The following COL8A2 variants were observed in gnomAD, a reference collection of about 807,000 sequenced individuals.
The protein encoded by COL8A2 is collagen alpha-2(VIII) chain.
A neutral mutation model predicts 24.0 loss-of-function variants in COL8A2; 16 were observed. That is an observed-to-expected ratio of 0.67 (90% CI 0.45 to 1.01). The LOEUF (loss-of-function observed/expected upper bound fraction) is 1.01. COL8A2 is among the 50% of genes least tolerant of loss of function. The pLI is 0.00. For synonymous variants in COL8A2, 466 were observed against 424.5 expected (o/e 1.10, Z -1.20); for missense variants, 818 against 942.4 (o/e 0.87, Z 1.73).
chr1:36,102,862 G>A (rs1643699602), intron 2 of COL8A2, among the ~76,000 whole-genome samples: 1 of 151,740 alleles, frequency 6.6e-6, no homozygotes. Flanking sequence ...TAGTAAAGAT[G>A]GGGTTTCACC....
chr1:36,111,495 C>T (rs1340383378), intron 2 of COL8A2, among the ~76,000 whole-genome samples: 2 of 152,066 alleles, frequency 1.3e-5, no homozygotes, highest in African/African-American at 4.8e-5. Context: ...CCCACAGTGC[C>T]AACTCCATCA....
At chr1:36,124,076 T>C (rs1298574963) in intron 1 of COL8A2, among the ~76,000 whole-genome samples, 1 of 152,110 alleles carries the variant, frequency 6.6e-6, no homozygotes, top group African/African-American at 2.4e-5. Flanking sequence ...TGGGAGGCTG[T>C]CCTTGCCAAG....
At chr1:36,105,128 C>T (rs948762728) in intron 2 of COL8A2, among the ~76,000 whole-genome samples, 27 of 152,110 alleles carry the variant, frequency 1.8e-4, no homozygotes, top group African/African-American at 2.7e-4. Flanking sequence ...GGTCCCTGCT[C>T]CTCCAAGCTT....
At chr1:36,100,887 C>CTTTTTTTTTTT (rs139330748) in intron 2 of COL8A2, among the ~76,000 whole-genome samples, 25 of 50,158 alleles carry the variant, frequency 5.0e-4, no homozygotes, top group East Asian at 2.7e-3. Context: ...GCATTCAAGG[C>CTTTTTTTTTTT]TTTTTTTTTT....
rs1000856046 is a variant in COL8A2 at position 36,123,338 on chromosome 1, G to T, written c.-62+1719C>A. 1.3e-5 allele frequency among the ~76,000 whole-genome samples: 2 copies of T among 152,264 alleles called. No homozygotes were observed. The highest frequency in any genetic ancestry group is 2.9e-5 in the Non-Finnish European group (2 of 68,052). On this transcript the variant is annotated intron_variant, in intron 1 of 3. Coordinates refer to ENST00000397799, the MANE Select transcript of COL8A2 (RefSeq NM_005202.4). The surrounding 1 kb of genome is among the most constrained non-coding windows in gnomAD (Gnocchi z 4.1). ...CTGGGGCTGTGCGTCCTTTGTTCCG[G>T]CTCAGGCAGGAGCAGAGAAGGTAGT...
rs1447676456 is a variant in COL8A2, at chr1:36,098,489, G to A, written c.1192C>T (p.Pro398Ser). The A allele has an allele frequency of 5.7e-6, 9 of 1,582,092 alleles. No individual in the cohort carries two copies. Among genetic ancestry groups the A allele is most frequent in the Non-Finnish European group, 6.0e-6 (7 of 1,164,682 alleles). ...CCTGGTTTCCCAGCCAGGCCACTAG[G>A]CCCCTGGTCACCTCGAATGCCAGGC... is the stretch of plus-strand genomic sequence containing the variant. ...GVPGIRGDQG[P>S]SGLAGKPGVP... Residue 398 changes from proline to serine, a missense_variant, in exon 4 of 4, where the codon CCT becomes TCT. Around this residue, in one of 3 missense-constraint regions of COL8A2, gnomAD observed 573 missense variants for 616.8 expected, o/e 0.93. Transcript: ENST00000397799.
chr1:36,106,023 C>A (rs1024433357), intron 2 of COL8A2, among the ~76,000 whole-genome samples: 5 of 151,206 alleles, frequency 3.3e-5, no homozygotes, highest in Non-Finnish European at 7.4e-5. Context: ...GTAATCCCAG[C>A]ATTTTGGGAG....
intron 2 of COL8A2, among the ~76,000 whole-genome samples, chr1:36,108,425 TG>T (rs1184048386): frequency 1.3e-5 from 2 of 152,078 alleles, no homozygotes; most frequent in African/African-American, 4.8e-5. Context: ...GGTGACCCCT[TG>T]GGAAATGAAG....
intron 2 of COL8A2, among the ~76,000 whole-genome samples, chr1:36,108,332 G>A (rs746733199): frequency 1.3e-5 from 2 of 152,230 alleles, no homozygotes; most frequent in Non-Finnish European, 2.9e-5. Context: ...GGGCCGTCAA[G>A]GGTCAGGGGC....
chr1:36,103,794 G>C (rs2124083566), intron 2 of COL8A2, among the ~76,000 whole-genome samples: 1 of 152,018 alleles, frequency 6.6e-6, no homozygotes, highest in East Asian at 2.0e-4. Context: ...ATGTAGGCCA[G>C]GCTGGTCTCA....
chr1:36,109,620 A>C (rs1289706969), intron 2 of COL8A2, among the ~76,000 whole-genome samples: 1 of 148,942 alleles, frequency 6.7e-6, no homozygotes, highest in African/African-American at 2.5e-5. Flanking sequence ...GCCAGGCTGG[A>C]GTGCAGTGGC....
intron 2 of COL8A2, among the ~76,000 whole-genome samples, chr1:36,106,735 C>A (rs189392449): frequency 6.6e-6 from 1 of 152,252 alleles, no homozygotes; most frequent in African/African-American, 2.4e-5. Context: ...GCCCCAAGTG[C>A]AGCCAGGAGC....
At position 36,115,734 on chromosome 1, in the gene COL8A2, G is replaced by C; in HGVS notation, c.-43C>G. 6.1e-6 allele frequency: 6 copies of C among 985,482 alleles called. No individual in the cohort carries two copies. Among genetic ancestry groups the C allele is most frequent in the Non-Finnish European group, 7.2e-6 (6 of 830,032 alleles). 61.0% of individuals were successfully genotyped at this position (985,482 alleles called of 1,614,324 possible). On this transcript the variant is annotated 5_prime_UTR_variant, in exon 2 of 4. Transcript: ENST00000397799. The surrounding 1 kb of genome is among the most constrained non-coding windows in gnomAD (Gnocchi z 5.7). ...TTTCAGGTCGGAGGGGCCTGGGAAG[G>C]TTCCAGCAGAGGCAGGGCCTGAGGA...
intron 1 of COL8A2, among the ~76,000 whole-genome samples, chr1:36,124,052 C>T (rs1388307901): frequency 2.0e-5 from 3 of 152,140 alleles, no homozygotes; most frequent in Non-Finnish European, 4.4e-5. Flanking sequence ...TTTTCAAATG[C>T]CCAGTACAGC....
Position 36,117,159 on chromosome 1 carries a change from A to G in COL8A2, c.-61-1407T>C, listed in dbSNP as rs572527807. Among the ~76,000 whole-genome samples the G allele has an allele frequency of 2.0e-5, 3 of 152,338 alleles. No homozygotes were observed. In the South Asian group the frequency reaches 6.2e-4, roughly 32 times the overall value. ...TGTCTGTAGCTGCACAAGCAGCCAG[A>G]TGCTGGAGCCAGCAGCAACTAGGCC... On this transcript the variant is annotated intron_variant, in intron 1 of 3. Coordinates refer to ENST00000397799, the MANE Select transcript of COL8A2 (RefSeq NM_005202.4).
Position 36,098,766 on chromosome 1 carries a change from GC to G in COL8A2, c.914del (p.Gly305AlafsTer5). The G allele has an allele frequency of 6.2e-7, 1 of 1,611,696 alleles. No individual in the cohort carries two copies. ...SGAKGEPGTR[G>X]PPGLIGPTGY... is the part of the protein sequence containing the mutation. Reference sequence around the variant, plus strand: ...CAGTGGGGCCTATCAGCCCAGGGGGGCCCCGGGTCCCTGGCTCCCCTTTGGC... The same window carrying G: ...CAGTGGGGCCTATCAGCCCAGGGGGGCCCGGGTCCCTGGCTCCCCTTTGGC... On this transcript the variant is annotated frameshift_variant, in exon 4 of 4. Transcript: ENST00000397799. LOFTEE classifies it high-confidence loss of function.
At chr1:36,124,895 C>T (rs1041127087) in intron 1 of COL8A2, among the ~76,000 whole-genome samples, 162 bp downstream of exon 1, 1 of 152,156 alleles carries the variant, frequency 6.6e-6, no homozygotes, top group Non-Finnish European at 1.5e-5. Flanking sequence ...TGGGCTCCCC[C>T]ATTCTAAGGC....
chr1:36,113,787 C>T (rs1485192075), intron 2 of COL8A2, among the ~76,000 whole-genome samples: 1 of 152,210 alleles, frequency 6.6e-6, no homozygotes, highest in African/African-American at 2.4e-5. Flanking sequence ...ATCCCTCACC[C>T]CTGCAAGTGA....
At chr1:36,108,754 A>C (rs1382774137) in intron 2 of COL8A2, among the ~76,000 whole-genome samples, 4 of 152,136 alleles carry the variant, frequency 2.6e-5, no homozygotes, top group Non-Finnish European at 4.4e-5. Context: ...CCCAGCAGAA[A>C]TAATTGGCAA....
Sources: allele counts gnomAD v4.1 joint callset (sites outside exome capture counted in the v4.1 genomes callset), GRCh38; gene constraint gnomAD v4.1.1; regional missense constraint gnomAD v4.1.1; non-coding constraint Gnocchi (gnomAD v3.1); transcripts MANE v1.5; gene names NCBI Gene and HGNC (gene_info 2026-07-23, HGNC 2026-07-21).